CDR2: variants seen among roughly 807,000 people sequenced by gnomAD.
The protein encoded by CDR2 is cerebellar degeneration related protein 2.
CDR2 carries 34 observed loss-of-function variants against 48.4 expected under a neutral mutation model. The observed-to-expected ratio is 0.70, with a 90% CI of 0.53 to 0.94. CDR2 has a LOEUF of 0.94. CDR2 is among the 40% of genes least tolerant of loss of function. CDR2 has a pLI of 0.00. For synonymous variants in CDR2, 240 were observed against 219.7 expected (o/e 1.09, Z -0.82); for missense variants, 498 against 549.5 (o/e 0.91, Z 0.94).
intron 1 of CDR2, among the ~76,000 whole-genome samples, chr16:22,370,762 CAG>C (rs1267337145): frequency 2.6e-5 from 4 of 152,122 alleles, no homozygotes; most frequent in African/African-American, 4.8e-5. Flanking sequence ...AATAGTAGAC[CAG>C]AGTTTACTGA....
At chr16:22,360,010 C>T (rs759841109) in intron 2 of CDR2, among the ~76,000 whole-genome samples, 24 of 152,114 alleles carry the variant, frequency 1.6e-4, no homozygotes, top group Non-Finnish European at 3.4e-4. Flanking sequence ...TTTCCATTTC[C>T]AAAGAGGGCA....
chr16:22,348,438 AC>A (rs1455953919), intron 4 of CDR2, among the ~76,000 whole-genome samples: 2 of 152,200 alleles, frequency 1.3e-5, no homozygotes, highest in African/African-American at 4.8e-5. Context: ...CTGGGTCCCA[AC>A]CCACAGATTC....
rs371303145 is a variant in CDR2 at position 22,364,863 on chromosome 16, G to A, written c.192+39C>T. On this transcript the variant is annotated intron_variant, in intron 2 of 4. Transcript: ENST00000268383. Reference sequence around the variant, plus strand: ...GTGATTGGCATAACAGCAACACATCGAAGTGTCAAAAGTGTAACTCTCCTG... The same window carrying A: ...GTGATTGGCATAACAGCAACACATCAAAGTGTCAAAAGTGTAACTCTCCTG... 50 of 1,151,724 alleles carry A rather than the reference G, an allele frequency of 4.3e-5. 1 individual carries two copies. Among genetic ancestry groups the A allele is most frequent in the Middle Eastern group, 3.8e-4 (2 of 5,208 alleles). The allele number at this position is 1,151,724 out of a possible 1,614,324, so 71.3% of individuals were successfully genotyped here. A position where few individuals can be genotyped will look rare whatever the true frequency, so the allele number is the denominator to read the frequency against.
chr16:22,369,471 A>C (rs2049063107), intron 1 of CDR2, among the ~76,000 whole-genome samples: 1 of 152,142 alleles, frequency 6.6e-6, no homozygotes, highest in Non-Finnish European at 1.5e-5. Context: ...TCTTTAGTAG[A>C]TAGCAAACAA....
intron 2 of CDR2, among the ~76,000 whole-genome samples, chr16:22,363,660 C>T (rs1166028544): frequency 1.3e-5 from 2 of 152,142 alleles, no homozygotes; most frequent in Non-Finnish European, 2.9e-5. Flanking sequence ...TGTGCACAGA[C>T]ACAAAAGTCC....
chr16:22,362,412 A>G (rs1051249897), intron 2 of CDR2, among the ~76,000 whole-genome samples: 3 of 152,212 alleles, frequency 2.0e-5, no homozygotes, highest in Admixed American at 2.0e-4. Context: ...GTTGTTTGTA[A>G]TCTCCTATGC....
intron 2 of CDR2, among the ~76,000 whole-genome samples, chr16:22,359,892 T>C (rs1352096475): frequency 6.8e-6 from 1 of 147,924 alleles, no homozygotes; most frequent in Non-Finnish European, 1.5e-5. Flanking sequence ...AACACAACAG[T>C]GCTCACTGTT....
Position 22,374,303 on chromosome 16 carries a change from C to T in CDR2, c.7G>A (p.Ala3Thr). The T allele has an allele frequency of 6.3e-7, 1 of 1,599,138 alleles. No individual in the cohort carries two copies. The highest frequency in any genetic ancestry group is 1.7e-4 in the Middle Eastern group (1 of 6,004). Residue 3 changes from alanine to threonine, a missense_variant, in exon 1 of 5, where the codon GCG (alanine) becomes ACG (threonine). By Grantham distance (58) the Ala-to-Thr change is moderately conservative. Transcript: ENST00000268383. Reference protein sequence around the residue: MLAENLVEEFEMK... With the variant: MLTENLVEEFEMK... ...TCAAACTCCTCTACCAGGTTTTCCG[C>T]CAGCATCTCGGCTGGGTCTTCTAGG...
chr16:22,347,904 CTAAA>C lies in CDR2; in HGVS notation c.507-85_507-82del, dbSNP rs778801674. 3.1e-4 allele frequency: 420 copies of C among 1,341,646 alleles called. 1 individual carries two copies. The highest frequency in any genetic ancestry group is 1.0e-3 in the Admixed American group (44 of 43,726). The allele number at this position is 1,341,646 out of a possible 1,614,324, so 83.1% of individuals were successfully genotyped here. A position where few individuals can be genotyped will look rare whatever the true frequency, so the allele number is the denominator to read the frequency against. On this transcript the variant is annotated intron_variant, in intron 4 of 4. Transcript: ENST00000268383. ...AGGAAGACTGGTGATTTTTTTTCAA[CTAAA>C]TAAATTTGAGGAGCTGTGACAGTGA...
rs565537266 is a variant in CDR2, at chr16:22,373,209, G to C, written c.79+1022C>G. Among the ~76,000 whole-genome samples the C allele has an allele frequency of 6.6e-5, 10 of 152,304 alleles. No homozygotes were observed. The East Asian group carries it at 1.9e-3, about 29-fold the overall frequency. ...CTGCTAGCTCCTGCTATTAGTATAA[G>C]AAAAACAGGGGCCCCACTGGCCCCA... On this transcript the variant is annotated intron_variant, in intron 1 of 4. Transcript: ENST00000268383.
intron 2 of CDR2, among the ~76,000 whole-genome samples, chr16:22,353,374 C>CT (rs2048955184): frequency 6.6e-6 from 1 of 152,278 alleles, no homozygotes; most frequent in African/African-American, 2.4e-5. Flanking sequence ...TGAGGTCTTG[C>CT]TTTGCTGTTT....
chr16:22,354,511 C>T (rs941126409), intron 2 of CDR2, among the ~76,000 whole-genome samples: 1 of 152,186 alleles, frequency 6.6e-6, no homozygotes, highest in African/African-American at 2.4e-5. Context: ...CTTAACCTTG[C>T]TTGAGTGATC....
At position 22,365,033 on chromosome 16, in the gene CDR2, C is replaced by A. The variant is rs747115427; in HGVS notation, c.80-19G>T. On this transcript the variant is annotated intron_variant, in intron 1 of 4. Coordinates refer to ENST00000268383, the MANE Select transcript of CDR2 (RefSeq NM_001802.2). ...TGAAGATCTAGCACAACAAATGAAT[C>A]TTAGAATAATACAAATGATCTCACA... 3 of 1,440,600 alleles carry A rather than the reference C, an allele frequency of 2.1e-6. No homozygotes were observed. Among genetic ancestry groups the A allele is most frequent in the South Asian group, 2.3e-5 (2 of 87,328 alleles). The allele number at this position is 1,440,600 out of a possible 1,614,324, so 89.2% of individuals were successfully genotyped here.
Position 22,374,449 on chromosome 16 carries a change from G to T in CDR2, c.-140C>A. On this transcript the variant is annotated 5_prime_UTR_variant, in exon 1 of 5. Transcript: ENST00000268383. ...GCCGCCGCCCAGACTCCGCTGCGCC[G>T]CCTCAGCCCCGTTCCCGCCGGCGGC... 1 of 329,364 alleles carries T rather than the reference G, an allele frequency of 3.0e-6. No individual in the cohort carries two copies. The highest frequency in any genetic ancestry group is 5.3e-6 in the Non-Finnish European group (1 of 189,170). The allele number at this position is 329,364 out of a possible 1,614,324, so 20.4% of individuals were successfully genotyped here. A position where few individuals can be genotyped will look rare whatever the true frequency, so the allele number is the denominator to read the frequency against.
Position 22,349,748 on chromosome 16 carries a change from A to T in CDR2, c.294T>A (p.Asn98Lys). The stretch of plus-strand genomic sequence containing the variant: ...CCTTGCTGTCAGCAACTAGCTTTTG[A>T]TTTGTTTCTTCCAGTTCCCTTGCTG... ...DVTARELEET[N>K]QKLVADSKAS... Residue 98 changes from asparagine (N) to lysine (K), a missense_variant, in exon 3 of 5, where the codon AAT becomes AAA. Transcript: ENST00000268383. 6.2e-7 allele frequency: 1 copy of T among 1,614,036 alleles called. No homozygotes were observed. The highest frequency in any genetic ancestry group is 8.5e-7 in the Non-Finnish European group (1 of 1,179,992).
chr16:22,346,483 C>T lies in CDR2; in HGVS notation c.*482G>A, dbSNP rs186571479. Reference sequence around the variant, plus strand: ...ATGACATTTCTTTTGGATTAGACCCCTGCTTTCTCTCGAACATTCTTCGTA... The same window carrying T: ...ATGACATTTCTTTTGGATTAGACCCTTGCTTTCTCTCGAACATTCTTCGTA... On this transcript the variant is annotated 3_prime_UTR_variant, in exon 5 of 5. Coordinates refer to ENST00000268383, the MANE Select transcript of CDR2 (RefSeq NM_001802.2). 3.0e-4 allele frequency: 48 copies of T among 157,666 alleles called. No homozygotes were observed. Among genetic ancestry groups the T allele is most frequent in the Non-Finnish European group, 4.8e-4 (34 of 70,964 alleles). 9.8% of individuals were successfully genotyped at this position (157,666 alleles called of 1,614,324 possible). A position where few individuals can be genotyped will look rare whatever the true frequency, so the allele number is the denominator to read the frequency against.
At chr16:22,362,022 C>T (rs569908073) in intron 2 of CDR2, among the ~76,000 whole-genome samples, 80 of 151,290 alleles carry the variant, frequency 5.3e-4, no homozygotes, top group African/African-American at 1.9e-3. Context: ...CTGCCTCAGC[C>T]TCCCAAGTAG....
At chr16:22,353,834 T>C (rs2048957669) in intron 2 of CDR2, among the ~76,000 whole-genome samples, 1 of 152,224 alleles carries the variant, frequency 6.6e-6, no homozygotes. Flanking sequence ...ATAGATATGT[T>C]AGTAAGCTTG....
At chr16:22,359,172 G>C (rs11861852) in intron 2 of CDR2, among the ~76,000 whole-genome samples, 2,187 of 151,436 alleles carry the variant, frequency 0.014, 61 homozygotes, top group African/African-American at 0.051. Context: ...TTTTTGCTCA[G>C]GCTGGACTGC....
Sources: allele counts gnomAD v4.1 joint callset (sites outside exome capture counted in the v4.1 genomes callset), GRCh38; gene constraint gnomAD v4.1.1; transcripts MANE v1.5; gene names NCBI Gene and HGNC (gene_info 2026-07-23, HGNC 2026-07-21).